DEPDC1B: variants seen among roughly 807,000 people sequenced by gnomAD.
The protein encoded by DEPDC1B is DEP domain containing 1B, also known as DEP domain-containing protein 1B.
DEPDC1B carries 51 observed loss-of-function variants against 66.5 expected under a neutral mutation model. The ratio of observed to expected loss-of-function variants is 0.77; its 90% CI spans 0.61 to 0.97. DEPDC1B has a LOEUF of 0.97. Among genes scored for constraint, DEPDC1B ranks in the 50% least tolerant of loss-of-function variants. DEPDC1B has a pLI of 0.00. For synonymous variants in DEPDC1B, 226 were observed against 223.6 expected, an observed-to-expected ratio of 1.01 and a Z score of -0.10; for missense variants, 552 against 637.1, an observed-to-expected ratio of 0.87 and a Z score of 1.44.
intron 2 of DEPDC1B, among the ~76,000 whole-genome samples, chr5:60,659,633 AT>A (rs1268305810): frequency 6.6e-6 from 1 of 152,196 alleles, no homozygotes; most frequent in Admixed American, 6.5e-5. Context: ...AGAAGTCTCT[AT>A]TCAACCAGCC....
intron 1 of DEPDC1B, among the ~76,000 whole-genome samples, chr5:60,696,615 G>A (rs963191527): frequency 2.7e-5 from 4 of 150,928 alleles, no homozygotes; most frequent in African/African-American, 7.3e-5. Flanking sequence ...AAGAGCTTGA[G>A]TTTTTTTTTC....
At chr5:60,648,860 A>T (rs558031164) in intron 2 of DEPDC1B, among the ~76,000 whole-genome samples, 40 of 152,330 alleles carry the variant, frequency 2.6e-4, no homozygotes, top group Non-Finnish European at 5.0e-4. Flanking sequence ...TTTATAAATA[A>T]AGGGTGGCTT....
At chr5:60,627,866 T>C (rs926248557) in intron 7 of DEPDC1B, among the ~76,000 whole-genome samples, 1 of 152,184 alleles carries the variant, frequency 6.6e-6, no homozygotes, top group Non-Finnish European at 1.5e-5. Flanking sequence ...TTTTTATATC[T>C]GTAAGTATGA....
At chr5:60,616,356 G>A (rs1752554255) in intron 7 of DEPDC1B, among the ~76,000 whole-genome samples, 1 of 152,166 alleles carries the variant, frequency 6.6e-6, no homozygotes. Context: ...GGTAAAGGAG[G>A]AAGTTCGAAC....
chr5:60,617,116 C>A (rs1456436040), intron 7 of DEPDC1B, among the ~76,000 whole-genome samples: 1 of 152,074 alleles, frequency 6.6e-6, no homozygotes. Context: ...CAGGCCTGCC[C>A]TAAAAGAGCT....
chr5:60,599,186 T>C lies in DEPDC1B; in HGVS notation c.1317A>G (p.Glu439=), dbSNP rs1463663787. 1 of 1,613,588 alleles carries C rather than the reference T, an allele frequency of 6.2e-7. No homozygotes were observed. ...PSFCRQISPE[E]FEYQRSYGSQ... Reference sequence around the variant, plus strand: ...AGCCATATGATCTTTGATATTCAAATTCCTCTGGACTAATTTGACGGCAAA... The same window carrying C: ...AGCCATATGATCTTTGATATTCAAACTCCTCTGGACTAATTTGACGGCAAA... Residue 439 remains glutamate, a synonymous_variant, in exon 10 of 11, where the codon GAA becomes GAG. Transcript: ENST00000265036.
chr5:60,599,272 G>A lies in DEPDC1B; in HGVS notation c.1243-12C>T. ...CCTGGGTATTTTATCTGAGGCAAAA[G>A]GATTAGTAGTGAAAGAATATAGCAT... On this transcript the variant is annotated splice_polypyrimidine_tract_variant and intron_variant, in intron 9 of 10. Coordinates refer to ENST00000265036, the MANE Select transcript of DEPDC1B (RefSeq NM_018369.3). 2.6e-6 allele frequency: 4 copies of A among 1,566,176 alleles called. No individual in the cohort carries two copies. The highest frequency in any genetic ancestry group is 2.8e-5 in the African/African-American group (2 of 72,264).
At chr5:60,623,167 T>G (rs1287880722) in intron 7 of DEPDC1B, among the ~76,000 whole-genome samples, 1 of 152,204 alleles carries the variant, frequency 6.6e-6, no homozygotes, top group African/African-American at 2.4e-5. Context: ...TTTGAGTGCA[T>G]ACAGTATACA....
intron 7 of DEPDC1B, among the ~76,000 whole-genome samples, chr5:60,607,979 T>G (rs1180264314): frequency 6.6e-6 from 1 of 152,136 alleles, no homozygotes; most frequent in African/African-American, 2.4e-5. Context: ...CATTAAAGAC[T>G]GAGGGGTTCA....
intron 10 of DEPDC1B, 65 bp downstream of exon 10, chr5:60,599,010 A>T: frequency 8.4e-7 from 1 of 1,193,848 alleles, no homozygotes; most frequent in East Asian, 2.7e-5. Flanking sequence ...GCCTATTAAA[A>T]TAAAAAAAAA....
intron 7 of DEPDC1B, among the ~76,000 whole-genome samples, chr5:60,608,069 T>A (rs1054669956): frequency 6.6e-6 from 1 of 152,166 alleles, no homozygotes; most frequent in Non-Finnish European, 1.5e-5. Flanking sequence ...CTGTGGCACC[T>A]GTATAGCAAA....
intron 2 of DEPDC1B, among the ~76,000 whole-genome samples, chr5:60,672,371 T>C (rs960095711): frequency 6.6e-6 from 1 of 152,230 alleles, no homozygotes; most frequent in Non-Finnish European, 1.5e-5. Flanking sequence ...TCCACATGGC[T>C]GGGGAGGCCT....
At chr5:60,690,458 C>T (rs1045708185) in intron 1 of DEPDC1B, among the ~76,000 whole-genome samples, 1 of 152,182 alleles carries the variant, frequency 6.6e-6, no homozygotes, top group African/African-American at 2.4e-5. Context: ...AAAGTCATCT[C>T]TTTTGAAGAA....
At chr5:60,666,510 C>T (rs1001274083) in intron 2 of DEPDC1B, among the ~76,000 whole-genome samples, 5 of 152,134 alleles carry the variant, frequency 3.3e-5, no homozygotes, top group Non-Finnish European at 7.4e-5. Flanking sequence ...CTTTCTGAGA[C>T]CCAAATTGCA....
chr5:60,673,759 T>G (rs1754097008), intron 2 of DEPDC1B, among the ~76,000 whole-genome samples: 1 of 152,256 alleles, frequency 6.6e-6, no homozygotes, highest in Admixed American at 6.5e-5. Flanking sequence ...GATTAATGCC[T>G]ATATGATATT....
At chr5:60,667,106 C>T (rs1316953909) in intron 2 of DEPDC1B, among the ~76,000 whole-genome samples, 3 of 151,926 alleles carry the variant, frequency 2.0e-5, no homozygotes, top group Admixed American at 2.0e-4. Flanking sequence ...TGGGCAAAAC[C>T]ATTAAACATA....
intron 2 of DEPDC1B, among the ~76,000 whole-genome samples, chr5:60,685,913 C>G (rs888207908): frequency 2.0e-5 from 3 of 152,146 alleles, no homozygotes; most frequent in Non-Finnish European, 2.9e-5. Context: ...ACCAAGTGGA[C>G]AGATGACTAA....
intron 9 of DEPDC1B, among the ~76,000 whole-genome samples, chr5:60,600,820 C>A (rs1284468316): frequency 3.3e-5 from 5 of 152,208 alleles, no homozygotes; most frequent in Non-Finnish European, 7.3e-5. Context: ...ATACACAAAC[C>A]TAGCAAGTAT....
intron 7 of DEPDC1B, among the ~76,000 whole-genome samples, chr5:60,633,988 T>C (rs972335266): frequency 3.3e-5 from 5 of 151,450 alleles, no homozygotes; most frequent in African/African-American, 1.2e-4. Context: ...GACTTAAAGC[T>C]ACTACCAAGG....
Sources: gnomAD v4.1 joint callset for allele counts (sites outside exome capture counted in the v4.1 genomes callset) on GRCh38, gnomAD v4.1.1 for gene constraint, MANE v1.5 for transcripts, NCBI Gene and HGNC (gene_info 2026-07-23, HGNC 2026-07-21) for gene names.